The following DDR2 variants were observed in gnomAD, a reference collection of about 807,000 sequenced individuals.
The protein encoded by DDR2 is discoidin domain receptor tyrosine kinase 2, also known as discoidin domain-containing receptor 2.
DDR2 carries 27 observed loss-of-function variants against 94.9 expected under a neutral mutation model. The observed-to-expected ratio is 0.28, with a 90% CI of 0.21 to 0.39. The LOEUF is 0.39. Among genes scored for constraint, DDR2 ranks in the 10% least tolerant of loss-of-function variants. The pLI is 1.00. For synonymous variants in DDR2, 382 were observed against 377.2 expected, an observed-to-expected ratio of 1.01 and a Z score of -0.15; for missense variants, 783 against 1,076.0, an observed-to-expected ratio of 0.73 and a Z score of 3.81.
At chr1:162,770,870 C>G (rs918464945) in intron 12 of DDR2, 3 of 320,820 alleles carry the variant, frequency 9.4e-6, no homozygotes, top group Non-Finnish European at 1.8e-5. Flanking sequence ...TCACCCAACA[C>G]CAAATTTCAT....
At chr1:162,722,185 A>G (rs1327541598) in intron 3 of DDR2, among the ~76,000 whole-genome samples, 2 of 152,214 alleles carry the variant, frequency 1.3e-5, no homozygotes, top group African/African-American at 4.8e-5. Context: ...AGTTGGCTGA[A>G]GCACGAAGGC....
intron 12 of DDR2, among the ~76,000 whole-genome samples, chr1:162,771,688 G>A (rs945609636): frequency 6.6e-6 from 1 of 152,006 alleles, no homozygotes; most frequent in African/African-American, 2.4e-5. Flanking sequence ...TTAAAATTAA[G>A]GAAATAAGTT....
At chr1:162,691,040 G>A (rs1659940838) in intron 2 of DDR2, among the ~76,000 whole-genome samples, 1 of 152,134 alleles carries the variant, frequency 6.6e-6, no homozygotes, top group African/African-American at 2.4e-5. Context: ...ATAGTCGTGA[G>A]TCACGAGCTC....
chr1:162,686,444 A>C (rs1659694329), intron 2 of DDR2, among the ~76,000 whole-genome samples: 1 of 151,816 alleles, frequency 6.6e-6, no homozygotes, highest in Admixed American at 6.6e-5. Context: ...TTCAACTCCC[A>C]CTTATGAGTG....
intron 3 of DDR2, among the ~76,000 whole-genome samples, chr1:162,738,078 T>G (rs957263247): frequency 7.3e-5 from 11 of 150,234 alleles, no homozygotes; most frequent in Non-Finnish European, 1.3e-4. Flanking sequence ...ACCGCTCCTA[T>G]TCAACATTGT....
At chr1:162,653,513 G>C (rs61811282) in intron 1 of DDR2, among the ~76,000 whole-genome samples, 12,174 of 151,974 alleles carry the variant, frequency 0.08, 502 homozygotes, top group Admixed American at 0.093. Context: ...AGAGGCGGAG[G>C]TTGCAGTGGC....
intron 11 of DDR2, 149 bp downstream of exon 11, chr1:162,767,508 A>G (rs1664056943): frequency 3.2e-6 from 4 of 1,251,220 alleles, no homozygotes; most frequent in Non-Finnish European, 4.5e-6. Flanking sequence ...TGAAGCCAGA[A>G]TAGAATTAGC....
intron 2 of DDR2, among the ~76,000 whole-genome samples, chr1:162,692,719 G>A (rs1460867502): frequency 6.6e-6 from 1 of 152,160 alleles, no homozygotes; most frequent in Non-Finnish European, 1.5e-5. Context: ...TAACCTATTT[G>A]AAAAACAGTT....
intron 2 of DDR2, among the ~76,000 whole-genome samples, chr1:162,684,339 C>G (rs1468798691): frequency 6.6e-6 from 1 of 152,154 alleles, no homozygotes; most frequent in Non-Finnish European, 1.5e-5. Context: ...AGGAATTCTA[C>G]AAACCAAAAG....
chr1:162,761,586 G>A (rs973030951), intron 9 of DDR2, 132 bp downstream of exon 9: 33 of 1,425,388 alleles, frequency 2.3e-5, no homozygotes, highest in Middle Eastern at 2.0e-4. Flanking sequence ...TGACGGATAC[G>A]GTGAATCCTT....
At chr1:162,725,313 A>G (rs566565667) in intron 3 of DDR2, among the ~76,000 whole-genome samples, 2 of 152,138 alleles carry the variant, frequency 1.3e-5, no homozygotes, top group Admixed American at 6.5e-5. Context: ...CTTTTCTTCT[A>G]CTTCTTTTTT....
intron 2 of DDR2, among the ~76,000 whole-genome samples, chr1:162,662,198 TATTCATTC>T (rs765591669): frequency 3.3e-5 from 5 of 152,220 alleles, no homozygotes; most frequent in Admixed American, 1.3e-4. Flanking sequence ...AAGTACAATG[TATTCATTC>T]ATTCATTCAT....
intron 3 of DDR2, among the ~76,000 whole-genome samples, chr1:162,745,450 A>T (rs77926587): frequency 0.025 from 3,863 of 152,018 alleles, 115 homozygotes; most frequent in East Asian, 0.15. Flanking sequence ...GGAGTTTTAT[A>T]CTTTTAGATA....
At chr1:162,663,247 T>C (rs1658395458) in intron 2 of DDR2, among the ~76,000 whole-genome samples, 1 of 152,096 alleles carries the variant, frequency 6.6e-6, no homozygotes, top group African/African-American at 2.4e-5. Flanking sequence ...AAATGTTGAG[T>C]GTGACATCTG....
At chr1:162,750,001 G>GGACGTATTTCAAAATAA (rs1663099780) in intron 3 of DDR2, among the ~76,000 whole-genome samples, 1 of 150,860 alleles carries the variant, frequency 6.6e-6, no homozygotes, top group Non-Finnish European at 1.5e-5. Context: ...GGTATTGATG[G>GGACGTATTTCAAAATAA]TAAGAGCTAT....
chr1:162,645,240 G>C (rs561153215), intron 1 of DDR2, among the ~76,000 whole-genome samples: 56 of 152,212 alleles, frequency 3.7e-4, no homozygotes, highest in African/African-American at 1.3e-3. Flanking sequence ...GTCCCTTTTG[G>C]TATTACTCAG....
intron 17 of DDR2, among the ~76,000 whole-genome samples, chr1:162,779,085 G>A (rs1285033279): frequency 6.6e-6 from 1 of 152,198 alleles, no homozygotes; most frequent in Non-Finnish European, 1.5e-5. Context: ...TAAAAGGGAT[G>A]TATTAGCATT....
At position 162,770,404 on chromosome 1, in the gene DDR2, G is replaced by A; in HGVS notation, c.1396G>A (p.Gly466Arg). The change falls in exon 12 of 18, where the codon GGG (glycine) becomes AGG (arginine). Residue 466 changes from glycine (G) to arginine (R), a missense_variant. Gly to Arg is a moderately radical substitution (Grantham distance 125, BLOSUM62 -2). This residue lies in a region of DDR2 where 519 missense variants were observed against 647.9 expected (regional missense o/e 0.80). Transcript: ENST00000367921. The part of the protein sequence containing the change: ...NNRSSSPSEQ[G>R]SNSTYDRIFP... ...CCGCTCCTCATCACCTAGTGAACAAGGGTCCAACTCGACTTACGATCGCAT... is the reference window on the plus strand; with the variant it reads ...CCGCTCCTCATCACCTAGTGAACAAAGGTCCAACTCGACTTACGATCGCAT... 1 of 1,614,102 alleles carries A rather than the reference G, an allele frequency of 6.2e-7. No homozygotes were observed. Among genetic ancestry groups the A allele is most frequent in the Non-Finnish European group, 8.5e-7 (1 of 1,180,004 alleles).
chr1:162,754,100 T>C (rs1366916265), intron 4 of DDR2, among the ~76,000 whole-genome samples: 1 of 152,168 alleles, frequency 6.6e-6, no homozygotes, highest in East Asian at 1.9e-4. Flanking sequence ...AACCAGATTA[T>C]TTACTACTTC....
Sources: gnomAD v4.1 joint callset for allele counts (sites outside exome capture counted in the v4.1 genomes callset) on GRCh38, gnomAD v4.1.1 for gene constraint, gnomAD v4.1.1 regional missense constraint, MANE v1.5 for transcripts, NCBI Gene and HGNC (gene_info 2026-07-23, HGNC 2026-07-21) for gene names.